DST: variants seen among roughly 807,000 people sequenced by gnomAD.
DST encodes bullous pemphigoid antigen.
A neutral mutation model predicts 875.2 loss-of-function variants in DST; 253 were observed. The observed-to-expected ratio is 0.29, with a 90% CI of 0.26 to 0.32. DST has a LOEUF of 0.32. DST is among the 10% of genes least tolerant of loss of function. The probability of loss-of-function intolerance (pLI) is 1.00; values close to 1 mark genes in which losing one functional copy is unlikely to be tolerated. For missense variants in DST, 8,287 were observed against 9,111.6 expected, an observed-to-expected ratio of 0.91 and a Z score of 3.68; for synonymous variants, 3,124 against 3,197.1, an observed-to-expected ratio of 0.98 and a Z score of 0.77.
At chr6:56,769,114 C>G (rs991596978) in intron 4 of DST, among the ~76,000 whole-genome samples, 1 of 152,112 alleles carries the variant, frequency 6.6e-6, no homozygotes, top group African/African-American at 2.4e-5. Context: ...AAGCAAACAA[C>G]TCAGTTTAAA....
intron 3 of DST, among the ~76,000 whole-genome samples, chr6:56,894,706 G>T (rs1364421090): frequency 6.8e-4 from 47 of 69,168 alleles, no homozygotes; most frequent in Admixed American, 2.7e-3. Context: ...CGGGCGGGGG[G>T]CTGACCCCCC....
intron 10 of DST, among the ~76,000 whole-genome samples, chr6:56,660,511 G>GT (rs2099033552): frequency 6.6e-6 from 1 of 150,990 alleles, no homozygotes; most frequent in Admixed American, 6.6e-5. Flanking sequence ...AGAAGTTACC[G>GT]TAACAAATTC....
At chr6:56,713,204 C>G (rs567065173) in intron 5 of DST, among the ~76,000 whole-genome samples, 23 of 152,160 alleles carry the variant, frequency 1.5e-4, no homozygotes, top group African/African-American at 5.5e-4. Flanking sequence ...GTCTGAAGAC[C>G]CTGGGCAGCT....
chr6:56,570,643 G>C (rs1488311103), intron 53 of DST, among the ~76,000 whole-genome samples: 3 of 152,140 alleles, frequency 2.0e-5, no homozygotes, highest in Non-Finnish European at 4.4e-5. Context: ...GTTCATAATA[G>C]GCCATAGACC....
intron 45 of DST, among the ~76,000 whole-genome samples, chr6:56,599,706 G>C (rs921866684): frequency 2.6e-5 from 4 of 152,062 alleles, no homozygotes; most frequent in African/African-American, 9.7e-5. Flanking sequence ...AAGGAGCTAA[G>C]AAAGAGAAAG....
chr6:56,517,406 A>G, intron 70 of DST, 95 bp downstream of exon 70: 2 of 1,582,754 alleles, frequency 1.3e-6, no homozygotes, highest in Non-Finnish European at 8.6e-7. Context: ...GTTACACTAG[A>G]GGGGTCTTAA....
intron 36 of DST, 131 bp from the exon 37 acceptor site, chr6:56,614,615 C>G (rs1229878367): frequency 8.4e-6 from 11 of 1,308,038 alleles, no homozygotes; most frequent in Non-Finnish European, 1.1e-5. Context: ...ACATTTTATT[C>G]ATTCACTTAA....
chr6:56,905,652 A>C (rs1487404428), intron 2 of DST, among the ~76,000 whole-genome samples: 5 of 141,848 alleles, frequency 3.5e-5, no homozygotes, highest in African/African-American at 1.3e-4. Flanking sequence ...CTTTTTCTCT[A>C]CTTTTTTTTT....
At chr6:56,518,404 C>T (rs1407407553) in intron 69 of DST, among the ~76,000 whole-genome samples, 1 of 152,094 alleles carries the variant, frequency 6.6e-6, no homozygotes, top group African/African-American at 2.4e-5. Context: ...TCTGGGATGA[C>T]ACTGTATAAA....
intron 59 of DST, among the ~76,000 whole-genome samples, 167 bp from the exon 60 acceptor site, chr6:56,556,007 G>A (rs529250127): frequency 1.6e-4 from 24 of 152,094 alleles, no homozygotes; most frequent in Admixed American, 8.5e-4. Context: ...TCTTAAATCC[G>A]AAGAGCCACA....
rs554045455 is a variant in DST, at chr6:56,607,466, T to C, written c.7162A>G (p.Lys2388Glu). The C allele has an allele frequency of 5.6e-6, 9 of 1,600,430 alleles. No individual in the cohort carries two copies. The East Asian group carries it at 9.0e-5, about 16-fold the overall frequency. The change falls in exon 40 of 104, where the codon AAA becomes GAA. Residue 2388 changes from lysine (K) to glutamate (E), a missense_variant. This residue lies in a region of DST where 3,138 missense variants were observed against 3,116.6 expected (regional missense o/e 1.01). Transcript: ENST00000680361. ...TCACTTGGAAAGTTTTGAATGTTTT[T>C]AGAATGACTACATTCATTTGCACGT... ...NERANECSHS[K>E]NIQNFPSDLI...
chr6:56,811,408 G>A (rs1358746751), intron 4 of DST, among the ~76,000 whole-genome samples: 1 of 152,000 alleles, frequency 6.6e-6, no homozygotes, highest in East Asian at 1.9e-4. Flanking sequence ...TTTTCTGAAT[G>A]GAATGAAGTA....
chr6:56,475,302 A>G, intron 92 of DST, among the ~76,000 whole-genome samples: 1 of 152,060 alleles, frequency 6.6e-6, no homozygotes. Context: ...AATATTTGTC[A>G]CACTGAAGAA....
chr6:56,476,232 C>T lies in DST; in HGVS notation c.21781G>A (p.Ala7261Thr). The T allele has an allele frequency of 6.2e-7, 1 of 1,611,734 alleles. No homozygotes were observed. The highest frequency in any genetic ancestry group is 8.5e-7 in the Non-Finnish European group (1 of 1,178,898). ...LEALLAWLQW[A>T]ETTLTDKDKE... Reference sequence around the variant, plus strand: ...TCCTTATCAGTAAGTGTAGTTTCAGCCCATTGCAACCAAGCCAGCAAAGCT... The same window carrying T: ...TCCTTATCAGTAAGTGTAGTTTCAGTCCATTGCAACCAAGCCAGCAAAGCT... The change falls in exon 92 of 104, where the codon GCT becomes ACT. Residue 7261 changes from alanine to threonine, a missense_variant. Ala to Thr is a moderately conservative substitution (Grantham distance 58). Transcript: ENST00000680361.
intron 4 of DST, among the ~76,000 whole-genome samples, chr6:56,816,495 T>C (rs2099766656): frequency 1.3e-5 from 2 of 152,216 alleles, no homozygotes; most frequent in South Asian, 4.1e-4. Flanking sequence ...AGCTGTGGCA[T>C]GTGTAAGCAC....
intron 38 of DST, among the ~76,000 whole-genome samples, chr6:56,611,078 T>C (rs1197127597): frequency 1.3e-5 from 2 of 152,120 alleles, no homozygotes; most frequent in African/African-American, 4.8e-5. Flanking sequence ...GACTGAAATA[T>C]ATAAAGTGCT....
At chr6:56,853,275 T>G (rs1426738224) in intron 3 of DST, among the ~76,000 whole-genome samples, 2 of 152,176 alleles carry the variant, frequency 1.3e-5, no homozygotes, top group Non-Finnish European at 2.9e-5. Context: ...GTAAATAAAA[T>G]TGATTTTCTG....
chr6:56,812,598 T>C (rs1322425615), intron 4 of DST, among the ~76,000 whole-genome samples: 1 of 152,214 alleles, frequency 6.6e-6, no homozygotes, highest in African/African-American at 2.4e-5. Flanking sequence ...CTAAATAAAG[T>C]AGACAAATGT....
chr6:56,779,533 C>A (rs2099687461), intron 4 of DST, among the ~76,000 whole-genome samples: 1 of 151,906 alleles, frequency 6.6e-6, no homozygotes. Context: ...ACATTTAAGT[C>A]TTTAATCCAT....
Sources: gnomAD v4.1 joint callset for allele counts (sites outside exome capture counted in the v4.1 genomes callset) on GRCh38, gnomAD v4.1.1 for gene constraint, gnomAD v4.1.1 regional missense constraint, MANE v1.5 for transcripts, NCBI Gene and HGNC (gene_info 2026-07-23, HGNC 2026-07-21) for gene names.